The following CNTNAP4 variants were observed in gnomAD, a reference collection of about 807,000 sequenced individuals.
The protein encoded by CNTNAP4 is contactin-associated protein-like 4.
CNTNAP4 carries 98 observed loss-of-function variants against 148.4 expected under a neutral mutation model. That is an observed-to-expected ratio of 0.66 (90% confidence interval 0.56 to 0.78). The LOEUF is 0.78. CNTNAP4 is among the 30% of genes least tolerant of loss of function. CNTNAP4 has a pLI of 0.00. For synonymous variants in CNTNAP4, 730 were observed against 565.1 expected (o/e 1.29, Z -4.14); for missense variants, 1,935 against 1,565.6 (o/e 1.24, Z -3.98).
At chr16:76,424,095 CTT>C (rs1409503759) in intron 3 of CNTNAP4, among the ~76,000 whole-genome samples, 5 of 152,050 alleles carry the variant, frequency 3.3e-5, no homozygotes, top group African/African-American at 9.6e-5. Flanking sequence ...TAAACTGTAT[CTT>C]ATATTTATTC....
intron 6 of CNTNAP4, among the ~76,000 whole-genome samples, chr16:76,449,319 A>G (rs958404858): frequency 6.6e-6 from 1 of 152,338 alleles, no homozygotes; most frequent in East Asian, 1.9e-4. Flanking sequence ...TAGATTTATA[A>G]GGAGAATGTA....
intron 3 of CNTNAP4, among the ~76,000 whole-genome samples, chr16:76,414,560 T>G (rs2078912143): frequency 6.6e-6 from 1 of 151,186 alleles, no homozygotes; most frequent in Middle Eastern, 3.2e-3. Flanking sequence ...GGAAGCATTC[T>G]CTGTTTTTCT....
At chr16:76,334,111 A>G (rs1015602943) in intron 2 of CNTNAP4, among the ~76,000 whole-genome samples, 1 of 151,850 alleles carries the variant, frequency 6.6e-6, no homozygotes, top group Non-Finnish European at 1.5e-5. Context: ...CAGCACACCA[A>G]CATGGCACAT....
chr16:76,308,109 T>A (rs2144004685), intron 1 of CNTNAP4, among the ~76,000 whole-genome samples: 1 of 133,332 alleles, frequency 7.5e-6, no homozygotes, highest in East Asian at 2.1e-4. Context: ...TTACTTGTTT[T>A]AAATTGCAGG....
chr16:76,536,358 G>C (rs1327227409), intron 18 of CNTNAP4, among the ~76,000 whole-genome samples: 1 of 151,912 alleles, frequency 6.6e-6, no homozygotes, highest in Admixed American at 6.6e-5. Context: ...ACTATGCCCA[G>C]CTAATTGTTG....
intron 15 of CNTNAP4, among the ~76,000 whole-genome samples, chr16:76,504,594 C>T (rs1347938847): frequency 5.9e-5 from 9 of 152,108 alleles, no homozygotes; most frequent in Admixed American, 2.0e-4. Flanking sequence ...AAGTACAATT[C>T]ATAGAATAAA....
chr16:76,431,151 C>T (rs1370896871), intron 4 of CNTNAP4, among the ~76,000 whole-genome samples: 1 of 152,046 alleles, frequency 6.6e-6, no homozygotes, highest in Non-Finnish European at 1.5e-5. Flanking sequence ...AACAAAGTTG[C>T]AGATATTTTC....
At chr16:76,388,802 G>T (rs2144750114) in intron 3 of CNTNAP4, among the ~76,000 whole-genome samples, 1 of 152,296 alleles carries the variant, frequency 6.6e-6, no homozygotes, top group South Asian at 2.1e-4. Flanking sequence ...GGGAATCAGA[G>T]ACTTTTGTAG....
chr16:76,398,635 G>C (rs1014427253), intron 3 of CNTNAP4, among the ~76,000 whole-genome samples: 1 of 152,034 alleles, frequency 6.6e-6, no homozygotes, highest in Non-Finnish European at 1.5e-5. Context: ...ATAACATGAG[G>C]GGTGCCGTCA....
At chr16:76,479,201 A>C (rs888088712) in intron 11 of CNTNAP4, among the ~76,000 whole-genome samples, 3 of 152,134 alleles carry the variant, frequency 2.0e-5, no homozygotes, top group Admixed American at 1.3e-4. Flanking sequence ...TAGTGATTAA[A>C]AAAAGTCATA....
chr16:76,442,807 C>T (rs2080095913), intron 4 of CNTNAP4, among the ~76,000 whole-genome samples: 1 of 152,078 alleles, frequency 6.6e-6, no homozygotes, highest in African/African-American at 2.4e-5. Context: ...AGCACTGCCA[C>T]ACTGGGGAAC....
intron 1 of CNTNAP4, among the ~76,000 whole-genome samples, chr16:76,306,126 T>C (rs1262040661): frequency 6.6e-6 from 1 of 152,186 alleles, no homozygotes; most frequent in African/African-American, 2.4e-5. Context: ...AATATATGAA[T>C]GTATGTGTCT....
At chr16:76,551,120 A>G (rs372229498) in intron 21 of CNTNAP4, among the ~76,000 whole-genome samples, 1 of 152,134 alleles carries the variant, frequency 6.6e-6, no homozygotes, top group African/African-American at 2.4e-5. Context: ...AAAAACTTAG[A>G]TATAACTGGC....
rs779555539 is a variant in CNTNAP4, at chr16:76,540,729, T to A, written c.3381T>A (p.Val1127=). 6.3e-5 allele frequency: 100 copies of A among 1,575,082 alleles called. No homozygotes were observed. The highest frequency in any genetic ancestry group is 8.4e-5 in the Non-Finnish European group (97 of 1,158,312). The change falls in exon 21 of 24, where the codon GTT becomes GTA. Residue 1127 remains valine, a synonymous_variant. Coordinates refer to ENST00000611870, the MANE Select transcript of CNTNAP4 (RefSeq NM_033401.5). ...IEIDDNRRRQ[V]HLSSGTEFSA... is the part of the protein sequence containing the mutation. Reference sequence around the variant, plus strand: ...TTGACGATAATAGAAGGAGACAAGTTCACCTGTCATCAGGCACAGAATTCA... The same window carrying A: ...TTGACGATAATAGAAGGAGACAAGTACACCTGTCATCAGGCACAGAATTCA...
rs747056713 is a variant in CNTNAP4 at position 76,517,429 on chromosome 16, TAAAC to T, written c.2366-3709_2366-3706del. ...GTAAGAATCTACAAACATTTGGAAA[TAAAC>T]ATTTTAATTAAATCCGTATTTCTGG... On this transcript the variant is annotated intron_variant, in intron 15 of 23. Coordinates refer to ENST00000611870, the MANE Select transcript of CNTNAP4 (RefSeq NM_033401.5). Among the ~76,000 whole-genome samples, 95 of 152,326 alleles carry T rather than the reference TAAAC, an allele frequency of 6.2e-4. 1 individual carries two copies. Among genetic ancestry groups the T allele is most frequent in the African/African-American group, 2.3e-3 (95 of 41,584 alleles).
chr16:76,339,556 G>A (rs1408753939), intron 2 of CNTNAP4, among the ~76,000 whole-genome samples: 1 of 152,076 alleles, frequency 6.6e-6, no homozygotes, highest in Non-Finnish European at 1.5e-5. Context: ...CTATTTCTTA[G>A]AAAAGAAATG....
intron 9 of CNTNAP4, among the ~76,000 whole-genome samples, chr16:76,464,253 C>T (rs988757513): frequency 2.0e-5 from 3 of 152,028 alleles, no homozygotes; most frequent in African/African-American, 7.2e-5. Context: ...TCTAAGTGGA[C>T]ACATCATCTT....
At chr16:76,445,935 G>A (rs1323364822) in intron 4 of CNTNAP4, among the ~76,000 whole-genome samples, 1 of 152,074 alleles carries the variant, frequency 6.6e-6, no homozygotes, top group Non-Finnish European at 1.5e-5. Flanking sequence ...TGCATTATTT[G>A]TATTTGACAC....
At chr16:76,393,238 C>T (rs948462275) in intron 3 of CNTNAP4, among the ~76,000 whole-genome samples, 2 of 152,098 alleles carry the variant, frequency 1.3e-5, no homozygotes, top group South Asian at 2.1e-4. Context: ...TGAAAAGCTC[C>T]GGCCTATGTC....
Sources: allele counts gnomAD v4.1 joint callset (sites outside exome capture counted in the v4.1 genomes callset), GRCh38; gene constraint gnomAD v4.1.1; transcripts MANE v1.5; gene names NCBI Gene and HGNC (gene_info 2026-07-23, HGNC 2026-07-21).